The following PATJ variants were observed in gnomAD, a reference collection of about 807,000 sequenced individuals.
The protein encoded by PATJ is PATJ crumbs cell polarity complex component.
A neutral mutation model predicts 224.9 loss-of-function variants in PATJ; 190 were observed. The observed-to-expected ratio is 0.84, with a 90% CI of 0.75 to 0.95. PATJ has a LOEUF of 0.95. PATJ is among the 40% of genes least tolerant of loss of function. The pLI is 0.00. For synonymous variants in PATJ, 769 were observed against 820.3 expected, an observed-to-expected ratio of 0.94 and a Z score of 1.07; for missense variants, 2,121 against 2,270.3, an observed-to-expected ratio of 0.93 and a Z score of 1.34.
At chr1:62,034,422 G>A (rs1052651776) in intron 29 of PATJ, among the ~76,000 whole-genome samples, 2 of 137,992 alleles carry the variant, frequency 1.4e-5, no homozygotes, top group Non-Finnish European at 3.1e-5. Flanking sequence ...CAGCCTGGGC[G>A]AGAGAGAGAG....
Position 62,096,708 on chromosome 1 carries a change from C to T in PATJ, c.4378-11729C>T, listed in dbSNP as rs180793607. The stretch of plus-strand genomic sequence containing the variant: ...TCAGCTCACTGCAACCTCCTCCTCC[C>T]GGGTTCAAGTGATTCTCCTGCCTCA... On this transcript the variant is annotated intron_variant, in intron 33 of 43. Coordinates refer to ENST00000642238, the MANE Select transcript of PATJ (RefSeq NM_001350145.3). Among the ~76,000 whole-genome samples, 47 of 152,202 alleles carry T rather than the reference C, an allele frequency of 3.1e-4. No individual in the cohort carries two copies. The East Asian group carries it at 3.1e-3, about 10-fold the overall frequency.
chr1:62,124,045 T>C (rs1201416715), intron 39 of PATJ, among the ~76,000 whole-genome samples: 2 of 152,054 alleles, frequency 1.3e-5, no homozygotes, highest in Admixed American at 6.6e-5. Flanking sequence ...ATTTTCAGAC[T>C]CCTGTGTGAT....
chr1:61,936,640 C>T (rs1413954039), intron 27 of PATJ, among the ~76,000 whole-genome samples: 11 of 151,766 alleles, frequency 7.2e-5, no homozygotes, highest in African/African-American at 1.9e-4. Flanking sequence ...GGCGTGATCT[C>T]GGCTCACTGT....
intron 1 of PATJ, among the ~76,000 whole-genome samples, chr1:61,755,435 T>C (rs1645586572): frequency 6.6e-6 from 1 of 152,220 alleles, no homozygotes; most frequent in African/African-American, 2.4e-5. Flanking sequence ...TGTTTATAAT[T>C]ATTTAAAAAT....
intron 28 of PATJ, among the ~76,000 whole-genome samples, chr1:61,994,410 G>A (rs1292245179): frequency 6.6e-6 from 1 of 152,062 alleles, no homozygotes; most frequent in African/African-American, 2.4e-5. Flanking sequence ...TTTCAGCGTT[G>A]TATAGCTCAG....
At chr1:62,093,375 T>C (rs1209561358) in intron 33 of PATJ, among the ~76,000 whole-genome samples, 1 of 152,220 alleles carries the variant, frequency 6.6e-6, no homozygotes. Flanking sequence ...CTGGATATTT[T>C]TTAAATAAGC....
At chr1:61,779,103 C>T (rs938084301) in intron 7 of PATJ, among the ~76,000 whole-genome samples, 3 of 152,020 alleles carry the variant, frequency 2.0e-5, no homozygotes, top group Admixed American at 6.6e-5. Context: ...TTAAAAATTC[C>T]TCAGTACCAA....
At chr1:61,936,705 G>A (rs906462999) in intron 27 of PATJ, among the ~76,000 whole-genome samples, 2 of 151,906 alleles carry the variant, frequency 1.3e-5, no homozygotes, top group Admixed American at 1.3e-4. Context: ...CCAAGTAGCT[G>A]GGATTACAGG....
chr1:61,872,714 G>T (rs1055880048), intron 20 of PATJ, among the ~76,000 whole-genome samples: 2 of 152,134 alleles, frequency 1.3e-5, no homozygotes, highest in Admixed American at 1.3e-4. Flanking sequence ...TTACGCTCCT[G>T]CTTTAAGGTC....
chr1:61,779,188 G>C (rs1010899818), intron 7 of PATJ, among the ~76,000 whole-genome samples: 1 of 152,110 alleles, frequency 6.6e-6, no homozygotes, highest in Non-Finnish European at 1.5e-5. Flanking sequence ...TAGGACATGC[G>C]TGTGATTACT....
At chr1:61,864,670 C>T in intron 20 of PATJ, 37 bp downstream of exon 20, 1 of 1,538,344 alleles carries the variant, frequency 6.5e-7, no homozygotes. Context: ...ACCTCCCCTT[C>T]TGCTCTCCTC....
At chr1:62,092,051 C>CAAAA (rs574301543) in intron 33 of PATJ, among the ~76,000 whole-genome samples, 1,861 of 83,604 alleles carry the variant, frequency 0.022, 22 homozygotes, top group Non-Finnish European at 0.033. Flanking sequence ...GACCCTGTCT[C>CAAAA]AAAAAAAAAA....
chr1:61,964,918 A>G (rs985896639), intron 27 of PATJ, among the ~76,000 whole-genome samples: 1 of 151,480 alleles, frequency 6.6e-6, no homozygotes, highest in Non-Finnish European at 1.5e-5. Context: ...TTGAGACCAG[A>G]CTAGCCAACA....
chr1:62,104,576 A>T (rs1490594216), intron 33 of PATJ, among the ~76,000 whole-genome samples: 4 of 152,216 alleles, frequency 2.6e-5, no homozygotes, highest in Non-Finnish European at 5.9e-5. Context: ...GATGAATTAA[A>T]CACAAAACAA....
At chr1:61,831,592 C>T (rs1390522807) in intron 16 of PATJ, among the ~76,000 whole-genome samples, 1 of 152,196 alleles carries the variant, frequency 6.6e-6, no homozygotes, top group South Asian at 2.1e-4. Flanking sequence ...CTTAATAGCA[C>T]TGATCATTAG....
chr1:61,828,344 G>A (rs1476511597), intron 16 of PATJ, among the ~76,000 whole-genome samples: 2 of 150,972 alleles, frequency 1.3e-5, no homozygotes, highest in Admixed American at 1.3e-4. Context: ...CACTTTATAT[G>A]CTCTTGGTAC....
intron 21 of PATJ, among the ~76,000 whole-genome samples, chr1:61,875,933 T>C (rs537679014): frequency 1.3e-5 from 2 of 152,336 alleles, no homozygotes; most frequent in African/African-American, 4.8e-5. Flanking sequence ...TTTTTCTTCA[T>C]CTAACACTAA....
Position 61,992,080 on chromosome 1 carries a change from TAC to T in PATJ, c.3867+1718_3867+1719del, listed in dbSNP as rs386631724. Among the ~76,000 whole-genome samples the T allele has an allele frequency of 2.0e-5, 3 of 151,846 alleles. 1 individual carries two copies. The highest frequency in any genetic ancestry group is 7.2e-5 in the African/African-American group (3 of 41,414). On this transcript the variant is annotated intron_variant, in intron 28 of 43. Transcript: ENST00000642238. ...GCTTGCCAGACTCCAAGACCCGTGTTACAGCCACTAAAGTATACTATGTTCCC... is the reference window on the plus strand; with the variant it reads ...GCTTGCCAGACTCCAAGACCCGTGTTAGCCACTAAAGTATACTATGTTCCC...
intron 33 of PATJ, among the ~76,000 whole-genome samples, chr1:62,090,050 T>C (rs1161304659): frequency 6.6e-6 from 1 of 152,222 alleles, no homozygotes; most frequent in East Asian, 1.9e-4. Context: ...TGACACCACA[T>C]CAGTCCTCTC....
Sources: allele counts gnomAD v4.1 joint callset (sites outside exome capture counted in the v4.1 genomes callset), GRCh38; gene constraint gnomAD v4.1.1; transcripts MANE v1.5; gene names NCBI Gene and HGNC (gene_info 2026-07-23, HGNC 2026-07-21).